The following PCDHAC1 variants were observed in gnomAD, a reference collection of about 807,000 sequenced individuals.
The protein encoded by PCDHAC1 is protocadherin alpha-C1.
In PCDHAC1, 42 loss-of-function variants were observed where a neutral mutation model predicts 60.0. The ratio of observed to expected loss-of-function variants is 0.70; its 90% CI spans 0.55 to 0.90. The LOEUF (loss-of-function observed/expected upper bound fraction) is 0.90, where lower values mean the gene tolerates loss of function less well. Among genes scored for constraint, PCDHAC1 ranks in the 40% least tolerant of loss-of-function variants. The probability of loss-of-function intolerance (pLI) is 0.00; values close to 1 mark genes in which losing one functional copy is unlikely to be tolerated. For synonymous variants in PCDHAC1, 468 were observed against 499.3 expected (o/e 0.94, Z 0.84); for missense variants, 1,160 against 1,222.3 (o/e 0.95, Z 0.76).
At chr5:140,976,871 A>G (rs2096735171) in intron 1 of PCDHAC1, among the ~76,000 whole-genome samples, 2 of 152,224 alleles carry the variant, frequency 1.3e-5, no homozygotes, top group Non-Finnish European at 2.9e-5. Flanking sequence ...TGTCTGACAA[A>G]GAAAGAATTA....
At chr5:140,942,221 G>A (rs1238547021) in intron 1 of PCDHAC1, among the ~76,000 whole-genome samples, 1 of 152,046 alleles carries the variant, frequency 6.6e-6, no homozygotes, top group African/African-American at 2.4e-5. Context: ...TATTTAAAAT[G>A]TGTAGGCAAA....
rs1012417649 is a variant in PCDHAC1 at position 141,010,189 on chromosome 5, T to C, written c.*252T>C. On this transcript the variant is annotated 3_prime_UTR_variant, in exon 4 of 4. Coordinates refer to ENST00000253807, the MANE Select transcript of PCDHAC1 (RefSeq NM_018898.5). ...AGAACCTAAAAAGCAGACCCAAGTT[T>C]CCTTTCTCCTCCGCCGCAAAGGAGA... 6 of 1,552,498 alleles carry C rather than the reference T, an allele frequency of 3.9e-6. No individual in the cohort carries two copies. Among genetic ancestry groups the C allele is most frequent in the Middle Eastern group, 1.7e-4 (1 of 5,994 alleles).
At position 140,950,404 on chromosome 5, in the gene PCDHAC1, T is replaced by C. The variant is rs947428237; in HGVS notation, c.2433+21079T>C. ...TTGAATGATATAGAATTCTGGGGGATTGACAGATTTTATTTTCTTCCACTT... is the reference window on the plus strand; with the variant it reads ...TTGAATGATATAGAATTCTGGGGGACTGACAGATTTTATTTTCTTCCACTT... On this transcript the variant is annotated intron_variant, in intron 1 of 3. Coordinates refer to ENST00000253807, the MANE Select transcript of PCDHAC1 (RefSeq NM_018898.5). 2.0e-5 allele frequency among the ~76,000 whole-genome samples: 3 copies of C among 152,044 alleles called. 1 individual carries two copies. Among genetic ancestry groups the C allele is most frequent in the East Asian group, 1.9e-4 (1 of 5,204 alleles).
At chr5:141,000,589 A>G (rs1234300694) in intron 3 of PCDHAC1, among the ~76,000 whole-genome samples, 3 of 150,422 alleles carry the variant, frequency 2.0e-5, no homozygotes, top group Admixed American at 2.0e-4. Context: ...CACCATGCCC[A>G]GCTAATTTTT....
At chr5:140,936,124 C>T (rs2090779585) in intron 1 of PCDHAC1, among the ~76,000 whole-genome samples, 1 of 152,130 alleles carries the variant, frequency 6.6e-6, no homozygotes, top group African/African-American at 2.4e-5. Context: ...AACTCCTGAC[C>T]TTAAGTGATC....
chr5:140,968,739 T>C, intron 1 of PCDHAC1: 1 of 1,614,192 alleles, frequency 6.2e-7, no homozygotes, highest in South Asian at 1.1e-5. Context: ...ACTTTCAACC[T>C]GACCGTGGTG....
In PCDHAC1 at chr5:141,006,221, T is replaced by C. The variant is rs559314025; in HGVS notation, c.2582-3406T>C. Among the ~76,000 whole-genome samples, 485 of 152,162 alleles carry C rather than the reference T, an allele frequency of 3.2e-3. 7 individuals carry two copies. The highest frequency in any genetic ancestry group is 0.01 in the Middle Eastern group (3 of 294). On this transcript the variant is annotated intron_variant, in intron 3 of 3. Transcript: ENST00000253807. Reference sequence around the variant, plus strand: ...GTTATGCCTCATTTTTTTTTAAATTTTTTATTTTTAGATGGAGTCTTGCTC... The same window carrying C: ...GTTATGCCTCATTTTTTTTTAAATTCTTTATTTTTAGATGGAGTCTTGCTC...
At chr5:140,991,078 A>T (rs1378051907) in intron 3 of PCDHAC1, among the ~76,000 whole-genome samples, 1 of 152,188 alleles carries the variant, frequency 6.6e-6, no homozygotes, top group Non-Finnish European at 1.5e-5. Context: ...TGTTTCAGAT[A>T]AAAAAATTAA....
chr5:140,988,059 T>C (rs1587274242), intron 3 of PCDHAC1, among the ~76,000 whole-genome samples: 1 of 152,324 alleles, frequency 6.6e-6, no homozygotes, highest in East Asian at 1.9e-4. Flanking sequence ...ACTGTCAACA[T>C]GAATTTTTCT....
chr5:140,985,554 A>G (rs1563525071), intron 3 of PCDHAC1, among the ~76,000 whole-genome samples: 1 of 152,114 alleles, frequency 6.6e-6, no homozygotes, highest in Non-Finnish European at 1.5e-5. Flanking sequence ...GTTGCTTCCA[A>G]AAGGCTTCTT....
chr5:140,936,303 T>C (rs1223461427), intron 1 of PCDHAC1, among the ~76,000 whole-genome samples: 3 of 152,236 alleles, frequency 2.0e-5, no homozygotes, highest in South Asian at 2.1e-4. Flanking sequence ...TGCTATCCAA[T>C]AGAACTTTCT....
At chr5:140,974,350 C>T (rs555781549) in intron 1 of PCDHAC1, among the ~76,000 whole-genome samples, 1 of 152,304 alleles carries the variant, frequency 6.6e-6, no homozygotes, top group South Asian at 2.1e-4. Flanking sequence ...GCATCCAGAA[C>T]TAAACAGACC....
At chr5:140,968,141 A>G in intron 1 of PCDHAC1, 1 of 1,614,110 alleles carries the variant, frequency 6.2e-7, no homozygotes, top group Non-Finnish European at 8.5e-7. Context: ...GAAGGTTGAG[A>G]TCTCTGACAT....
chr5:140,958,242 T>A (rs1375619471), intron 1 of PCDHAC1, among the ~76,000 whole-genome samples: 1 of 152,120 alleles, frequency 6.6e-6, no homozygotes, highest in Non-Finnish European at 1.5e-5. Context: ...TTTTTAACAA[T>A]TCTGAACAAA....
chr5:140,969,261 T>G (rs2153777840), intron 1 of PCDHAC1: 1 of 1,614,180 alleles, frequency 6.2e-7, no homozygotes, highest in South Asian at 1.1e-5. Flanking sequence ...AGCAGGAATC[T>G]CACAGGCCAA....
chr5:140,960,397 G>A (rs1322659184), intron 1 of PCDHAC1, among the ~76,000 whole-genome samples: 1 of 152,102 alleles, frequency 6.6e-6, no homozygotes, highest in African/African-American at 2.4e-5. Flanking sequence ...AGGATGCAAG[G>A]GGGGGTGCCC....
At chr5:141,008,347 G>A (rs551037675) in intron 3 of PCDHAC1, among the ~76,000 whole-genome samples, 7 of 152,244 alleles carry the variant, frequency 4.6e-5, no homozygotes, top group South Asian at 2.1e-4. Flanking sequence ...AGCTTTTCAC[G>A]TGTCAACCAA....
At chr5:140,937,866 C>T (rs892440956) in intron 1 of PCDHAC1, among the ~76,000 whole-genome samples, 4 of 150,734 alleles carry the variant, frequency 2.7e-5, no homozygotes, top group African/African-American at 4.9e-5. Flanking sequence ...GAGCCGAGAT[C>T]GCGCCACTGC....
At position 140,928,701 on chromosome 5, in the gene PCDHAC1, G is replaced by T; in HGVS notation, c.1809G>T (p.Ala603=). ...NAWLSYHISR[A]SDSSLFRISA... ...GGCTTTCCTACCACATCTCCCGGGC[G>T]TCTGACTCTAGTCTCTTTAGAATTT... The change falls in exon 1 of 4, where the codon GCG becomes GCT. Residue 603 remains alanine (A), a synonymous_variant. Transcript: ENST00000253807. 1 of 1,614,132 alleles carries T rather than the reference G, an allele frequency of 6.2e-7. No individual in the cohort carries two copies. Among genetic ancestry groups the T allele is most frequent in the Non-Finnish European group, 8.5e-7 (1 of 1,180,024 alleles).
Sources: gnomAD v4.1 joint callset for allele counts (sites outside exome capture counted in the v4.1 genomes callset) on GRCh38, gnomAD v4.1.1 for gene constraint, MANE v1.5 for transcripts, NCBI Gene and HGNC (gene_info 2026-07-23, HGNC 2026-07-21) for gene names.